The following ROBO2 variants were observed in gnomAD, a reference collection of about 807,000 sequenced individuals.
ROBO2 encodes roundabout guidance receptor 2.
ROBO2 carries 53 observed loss-of-function variants against 160.8 expected under a neutral mutation model. The ratio of observed to expected loss-of-function variants is 0.33; its 90% CI spans 0.26 to 0.41. The LOEUF is 0.41. ROBO2 is among the 10% of genes least tolerant of loss of function. The pLI, the probability that ROBO2 is intolerant of heterozygous loss-of-function variation, is 1.00. For missense variants in ROBO2, 1,577 were observed against 1,722.4 expected, an observed-to-expected ratio of 0.92 and a Z score of 1.49; for synonymous variants, 664 against 611.7, an observed-to-expected ratio of 1.09 and a Z score of -1.26.
chr3:76,836,683 T>G (rs6548452), intron 2 of ROBO2, among the ~76,000 whole-genome samples: 19,363 of 151,808 alleles, frequency 0.13, 1,394 homozygotes, highest in East Asian at 0.24. Flanking sequence ...ATTTGGGAAT[T>G]TTCTAGATAT....
intron 2 of ROBO2, among the ~76,000 whole-genome samples, chr3:76,835,367 G>T (rs996112257): frequency 1.4e-5 from 2 of 147,720 alleles, no homozygotes; most frequent in Non-Finnish European, 3.0e-5. Context: ...ACATATATGT[G>T]CAAACACAAT....
intron 2 of ROBO2, among the ~76,000 whole-genome samples, chr3:76,629,289 T>G (rs778002442): frequency 1.3e-5 from 2 of 152,204 alleles, no homozygotes; most frequent in Non-Finnish European, 2.9e-5. Flanking sequence ...AACTAATTTT[T>G]TTTCCAACTG....
intron 2 of ROBO2, among the ~76,000 whole-genome samples, chr3:76,848,700 G>T (rs2148518443): frequency 6.6e-6 from 1 of 152,302 alleles, no homozygotes; most frequent in South Asian, 2.1e-4. Flanking sequence ...CACATGGGGA[G>T]AGGGAGAAAG....
At chr3:77,245,037 T>G (rs2089559757) in intron 2 of ROBO2, among the ~76,000 whole-genome samples, 1 of 152,144 alleles carries the variant, frequency 6.6e-6, no homozygotes, top group Admixed American at 6.5e-5. Context: ...CATTTTTATT[T>G]AAAATTATGA....
At chr3:77,195,349 A>C (rs2150972398) in intron 2 of ROBO2, among the ~76,000 whole-genome samples, 1 of 152,288 alleles carries the variant, frequency 6.6e-6, no homozygotes, top group Non-Finnish European at 1.5e-5. Context: ...AAGCAGTTAT[A>C]AACAGAATGA....
intron 2 of ROBO2, among the ~76,000 whole-genome samples, chr3:76,239,043 A>C (rs537512711): frequency 6.6e-6 from 1 of 152,354 alleles, no homozygotes; most frequent in Admixed American, 6.5e-5. Flanking sequence ...TCAAATTTTC[A>C]GTACTGACTC....
At chr3:77,289,597 T>C (rs1233278036) in intron 2 of ROBO2, among the ~76,000 whole-genome samples, 3 of 151,560 alleles carry the variant, frequency 2.0e-5, no homozygotes, top group African/African-American at 7.3e-5. Context: ...ACCAAAGACA[T>C]AAAGTAAAAT....
At chr3:77,358,028 T>C (rs2069383048) in intron 2 of ROBO2, among the ~76,000 whole-genome samples, 1 of 152,178 alleles carries the variant, frequency 6.6e-6, no homozygotes, top group South Asian at 2.1e-4. Flanking sequence ...TCGTTGGAAA[T>C]GCTAAAGGGT....
intron 2 of ROBO2, among the ~76,000 whole-genome samples, chr3:76,186,754 C>T (rs144234229): frequency 1.0e-3 from 156 of 152,282 alleles, no homozygotes; most frequent in African/African-American, 3.5e-3. Flanking sequence ...AATTTATTCA[C>T]TCCCTTGTTC....
chr3:77,032,921 G>A (rs945359202), intron 2 of ROBO2, among the ~76,000 whole-genome samples: 1 of 152,172 alleles, frequency 6.6e-6, no homozygotes, highest in Admixed American at 6.5e-5. Context: ...GAGGGCTGGG[G>A]AATTCTGTGT....
intron 2 of ROBO2, among the ~76,000 whole-genome samples, chr3:76,815,858 A>G (rs746003751): frequency 1.5e-4 from 23 of 152,052 alleles, no homozygotes; most frequent in Non-Finnish European, 2.1e-4. Context: ...TCAAGGCTGC[A>G]CTTTTCCAGA....
chr3:76,930,152 G>C (rs2077243688), intron 2 of ROBO2, among the ~76,000 whole-genome samples: 1 of 151,942 alleles, frequency 6.6e-6, no homozygotes, highest in African/African-American at 2.4e-5. Context: ...GCCTCCCCTG[G>C]TAGTGGGACT....
chr3:77,404,061 G>T (rs1275393296), intron 2 of ROBO2, among the ~76,000 whole-genome samples: 1 of 151,994 alleles, frequency 6.6e-6, no homozygotes, highest in Non-Finnish European at 1.5e-5. Flanking sequence ...GGAAAGAATT[G>T]GGGAATAATA....
At chr3:77,458,334 C>T (rs748307878) in intron 2 of ROBO2, among the ~76,000 whole-genome samples, 4 of 152,138 alleles carry the variant, frequency 2.6e-5, no homozygotes, top group Non-Finnish European at 5.9e-5. Flanking sequence ...AGTTAACTGT[C>T]TCCAAGATGG....
chr3:77,585,134 A>G (rs1328548188), intron 16 of ROBO2, among the ~76,000 whole-genome samples: 1 of 151,304 alleles, frequency 6.6e-6, no homozygotes, highest in Non-Finnish European at 1.5e-5. Flanking sequence ...TTCCTTTCAT[A>G]GTTTTTTTTG....
chr3:77,150,165 C>G (rs1325088013), intron 2 of ROBO2, among the ~76,000 whole-genome samples: 1 of 152,184 alleles, frequency 6.6e-6, no homozygotes, highest in African/African-American at 2.4e-5. Context: ...ACACTCAAAA[C>G]TCCCCTGCTG....
At chr3:76,463,906 G>T (rs1226293235) in intron 2 of ROBO2, among the ~76,000 whole-genome samples, 1 of 152,182 alleles carries the variant, frequency 6.6e-6, no homozygotes, top group South Asian at 2.1e-4. Context: ...AACTCTGCTA[G>T]TTAAGTCACC....
chr3:76,254,081 T>G (rs1170020716), intron 2 of ROBO2, among the ~76,000 whole-genome samples: 1 of 152,096 alleles, frequency 6.6e-6, no homozygotes, highest in Admixed American at 6.6e-5. Flanking sequence ...ATTCAAGAGA[T>G]TCATCTTTAG....
intron 2 of ROBO2, among the ~76,000 whole-genome samples, chr3:76,758,231 C>A (rs2061098076): frequency 6.6e-6 from 1 of 151,708 alleles, no homozygotes; most frequent in South Asian, 2.1e-4. Flanking sequence ...ATTCCTGCAG[C>A]ACTTTTTACA....
Sources: allele counts gnomAD v4.1 joint callset (sites outside exome capture counted in the v4.1 genomes callset), GRCh38; gene constraint gnomAD v4.1.1; transcripts MANE v1.5; gene names NCBI Gene and HGNC (gene_info 2026-07-23, HGNC 2026-07-21).